The following PPARD variants were observed in gnomAD, a reference collection of about 807,000 sequenced individuals.
PPARD encodes peroxisome proliferator-activated receptor delta.
PPARD carries 6 observed loss-of-function variants against 39.5 expected under a neutral mutation model. The ratio of observed to expected loss-of-function variants is 0.15; its 90% CI spans 0.08 to 0.30. The LOEUF (loss-of-function observed/expected upper bound fraction) is 0.30, where lower values mean the gene tolerates loss of function less well. Ranked by LOEUF, PPARD falls within the 10% of genes least tolerant of loss-of-function variation. The pLI is 1.00. For missense variants in PPARD, 397 were observed against 596.8 expected (o/e 0.67, Z 3.49); for synonymous variants, 210 against 231.3 (o/e 0.91, Z 0.83).
intron 5 of PPARD, 26 bp downstream of exon 5, chr6:35,421,984 G>T (rs200333722): frequency 1.3e-5 from 21 of 1,580,084 alleles, no homozygotes; most frequent in Non-Finnish European, 1.8e-5. Flanking sequence ...GGCAACTCAC[G>T]GGCTGCTGGC....
Position 35,425,111 on chromosome 6 carries a change from A to G in PPARD, c.1078+332A>G, listed in dbSNP as rs1766484221. ...AACATGGTGAAACCCCGTCTCTACT[A>G]AAAATACAAAAAATTAGCCAGATGT... On this transcript the variant is annotated intron_variant, in intron 7 of 7. Coordinates refer to ENST00000360694, the MANE Select transcript of PPARD (RefSeq NM_006238.5). This position sits in a 1 kb window ranked among gnomAD's most constrained non-coding sequence, Gnocchi z 4.5. 3 of 854,522 alleles carry G rather than the reference A, an allele frequency of 3.5e-6. No individual in the cohort carries two copies. The highest frequency in any genetic ancestry group is 2.9e-6 in the Non-Finnish European group (2 of 678,544). 52.9% of individuals were successfully genotyped at this position (854,522 alleles called of 1,614,324 possible).
chr6:35,361,150 A>C (rs181249886), intron 2 of PPARD, among the ~76,000 whole-genome samples: 107 of 152,352 alleles, frequency 7.0e-4, no homozygotes, highest in Non-Finnish European at 1.0e-3. Flanking sequence ...CTTCTAGGGA[A>C]TATGGGGTAG....
At position 35,402,138 on chromosome 6, in the gene PPARD, C is replaced by A. The variant is rs1017337541; in HGVS notation, c.-101-8849C>A. Among the ~76,000 whole-genome samples the A allele has an allele frequency of 6.6e-5, 10 of 152,130 alleles. No individual in the cohort carries two copies. In the South Asian group the frequency reaches 1.0e-3, roughly 16 times the overall value. On this transcript the variant is annotated intron_variant, in intron 2 of 7. Coordinates refer to ENST00000360694, the MANE Select transcript of PPARD (RefSeq NM_006238.5). The stretch of plus-strand genomic sequence containing the variant: ...GACCAACCCCAGATTATAAAGGTAT[C>A]CCACGCTCACTGTGAAGAAATTGGA...
chr6:35,371,230 A>T (rs938020396), intron 2 of PPARD, among the ~76,000 whole-genome samples: 6 of 152,060 alleles, frequency 3.9e-5, no homozygotes, highest in African/African-American at 7.2e-5. Flanking sequence ...CCTGCCCCCT[A>T]GGAGGGTAAA....
Position 35,375,209 on chromosome 6 carries a change from GTTTTTTTTTT to G in PPARD, c.-102+28075_-102+28084del, listed in dbSNP as rs558275286. Among the ~76,000 whole-genome samples the G allele has an allele frequency of 1.0e-3, 59 of 59,242 alleles. No homozygotes were observed. The Admixed American group carries it at 0.01, about 10-fold the overall frequency. 38.9% of individuals were successfully genotyped at this position (59,242 alleles called of 152,430 possible). ...TTTTTGCCTATTTTTCTCCTTCCGA[GTTTTTTTTTT>G]TTTTTTTTTTTTTTTGGAGATGGAG... is the stretch of plus-strand genomic sequence containing the variant. On this transcript the variant is annotated intron_variant, in intron 2 of 7. Transcript: ENST00000360694.
At chr6:35,400,088 T>C (rs1468640045) in intron 2 of PPARD, among the ~76,000 whole-genome samples, 1 of 152,192 alleles carries the variant, frequency 6.6e-6, no homozygotes, top group African/African-American at 2.4e-5. Context: ...ACAGCTTAAC[T>C]GTGGGATTTT....
chr6:35,384,363 C>G (rs1273407344), intron 2 of PPARD, among the ~76,000 whole-genome samples: 1 of 139,444 alleles, frequency 7.2e-6, no homozygotes, highest in East Asian at 2.2e-4. Flanking sequence ...TGAGGGGCGC[C>G]TCTGCCTGGC....
Position 35,418,793 on chromosome 6 carries a change from C to T in PPARD, c.131-1334C>T, listed in dbSNP as rs550432240. On this transcript the variant is annotated intron_variant, in intron 3 of 7. Coordinates refer to ENST00000360694, the MANE Select transcript of PPARD (RefSeq NM_006238.5). ...TAGGAACCAGAGACTTGTGTTACCC[C>T]TAAACCTCACCAGCCAGGAGGGGAG... Among the ~76,000 whole-genome samples the T allele has an allele frequency of 7.9e-5, 12 of 152,304 alleles. No homozygotes were observed. The South Asian group carries it at 2.5e-3, about 32-fold the overall frequency.
chr6:35,397,979 A>G (rs1231087269), intron 2 of PPARD, among the ~76,000 whole-genome samples: 6 of 152,218 alleles, frequency 3.9e-5, no homozygotes, highest in Non-Finnish European at 8.8e-5. Context: ...GCAAAGGCCC[A>G]CTGAAGGCAG....
At chr6:35,375,217 T>TG (rs1422767038) in intron 2 of PPARD, among the ~76,000 whole-genome samples, 2 of 132,334 alleles carry the variant, frequency 1.5e-5, no homozygotes, top group African/African-American at 3.0e-5. Context: ...GAGTTTTTTT[T>TG]TTTTTTTTTT....
chr6:35,368,987 A>C (rs1762343773), intron 2 of PPARD, among the ~76,000 whole-genome samples: 1 of 152,198 alleles, frequency 6.6e-6, no homozygotes, highest in Non-Finnish European at 1.5e-5. Context: ...CCCTAGAGAT[A>C]CCTAGGTTAG....
intron 2 of PPARD, among the ~76,000 whole-genome samples, chr6:35,373,886 G>A (rs1280668212): frequency 6.6e-6 from 1 of 152,024 alleles, no homozygotes; most frequent in Non-Finnish European, 1.5e-5. Context: ...GCTCAGGCTG[G>A]TCTTGAACTT....
Position 35,351,861 on chromosome 6 carries a change from CTTTTTTTT to C in PPARD, c.-102+4728_-102+4735del, listed in dbSNP as rs774957372. 9.2e-5 allele frequency among the ~76,000 whole-genome samples: 8 copies of C among 87,366 alleles called. No individual in the cohort carries two copies. In the East Asian group the frequency reaches 1.5e-3, roughly 16 times the overall value. 57.3% of individuals were successfully genotyped at this position (87,366 alleles called of 152,430 possible). ...ATAGGCATGAGCCACCACACCCAGC[CTTTTTTTT>C]TTTTTTTTTTTTTTTTGATATGGGG... On this transcript the variant is annotated intron_variant, in intron 2 of 7. Coordinates refer to ENST00000360694, the MANE Select transcript of PPARD (RefSeq NM_006238.5).
intron 3 of PPARD, among the ~76,000 whole-genome samples, chr6:35,419,892 G>A (rs1293875885): frequency 1.3e-5 from 2 of 152,166 alleles, no homozygotes; most frequent in African/African-American, 2.4e-5. Flanking sequence ...CTGTGTACTG[G>A]ACATCTTCTG....
Position 35,401,394 on chromosome 6 carries a change from G to A in PPARD, c.-101-9593G>A, listed in dbSNP as rs1764685754. Among the ~76,000 whole-genome samples the A allele has an allele frequency of 6.6e-6, 1 of 152,152 alleles. No individual in the cohort carries two copies. The highest frequency in any genetic ancestry group is 2.4e-5 in the African/African-American group (1 of 41,434). On this transcript the variant is annotated intron_variant, in intron 2 of 7. Transcript: ENST00000360694. This position sits in a 1 kb window ranked among gnomAD's most constrained non-coding sequence, Gnocchi z 4.1. ...TTCAGTCTGTTCTCATCTTCAGTCT[G>A]TTCTCCACAGCAGCCTGAAAAGTCT... is the stretch of plus-strand genomic sequence containing the variant.
chr6:35,388,660 C>T (rs1165437109), intron 2 of PPARD, among the ~76,000 whole-genome samples: 1 of 151,410 alleles, frequency 6.6e-6, no homozygotes, highest in African/African-American at 2.4e-5. Context: ...TGCAGTGAGC[C>T]GAGATCGCGC....
chr6:35,357,312 G>A (rs1761670817), intron 2 of PPARD, among the ~76,000 whole-genome samples: 1 of 152,166 alleles, frequency 6.6e-6, no homozygotes, highest in South Asian at 2.1e-4. Context: ...TGTTCATGTG[G>A]TCCAGACCAT....
intron 2 of PPARD, among the ~76,000 whole-genome samples, chr6:35,378,087 C>G (rs1392788377): frequency 6.6e-6 from 1 of 152,002 alleles, no homozygotes; most frequent in Non-Finnish European, 1.5e-5. Flanking sequence ...TGGTCTCCAT[C>G]TCTTGACTTT....
Position 35,390,330 on chromosome 6 carries a change from C to T in PPARD, c.-101-20657C>T, listed in dbSNP as rs549122725. The stretch of plus-strand genomic sequence containing the variant: ...GTTTTACTCCTTTTGTCATCTCTCC[C>T]CATAGGGGTCTAGGTCAGTGCTTTT... On this transcript the variant is annotated intron_variant, in intron 2 of 7. Coordinates refer to ENST00000360694, the MANE Select transcript of PPARD (RefSeq NM_006238.5). 5.3e-5 allele frequency among the ~76,000 whole-genome samples: 8 copies of T among 152,352 alleles called. No homozygotes were observed. In the East Asian group the frequency reaches 7.7e-4, roughly 15 times the overall value.
Sources: allele counts gnomAD v4.1 joint callset (sites outside exome capture counted in the v4.1 genomes callset), GRCh38; gene constraint gnomAD v4.1.1; non-coding constraint Gnocchi (gnomAD v3.1); transcripts MANE v1.5; gene names NCBI Gene and HGNC (gene_info 2026-07-23, HGNC 2026-07-21).